RARB: variants seen among roughly 807,000 people sequenced by gnomAD.
RARB encodes HBV-activated protein.
Under a neutral mutation model 51.9 loss-of-function variants are expected in RARB, and 17 were observed. The observed-to-expected ratio is 0.33, with a 90% CI of 0.22 to 0.49. The LOEUF is 0.49. Among genes scored for constraint, RARB ranks in the 20% least tolerant of loss-of-function variants. RARB has a pLI of 0.99. For missense variants in RARB, 369 were observed against 550.8 expected, an observed-to-expected ratio of 0.67 and a Z score of 3.30; for synonymous variants, 215 against 195.4, an observed-to-expected ratio of 1.10 and a Z score of -0.84.
At chr3:25,151,919 T>G (rs1163982101) in intron 4 of RARB, among the ~76,000 whole-genome samples, 2 of 41,852 alleles carry the variant, frequency 4.8e-5, no homozygotes, top group African/African-American at 1.1e-4. Context: ...TTTTATAGAT[T>G]TTTTTTTTTA....
chr3:25,538,851 T>G (rs376046845), intron 3 of RARB, among the ~76,000 whole-genome samples: 24 of 152,238 alleles, frequency 1.6e-4, no homozygotes, highest in African/African-American at 5.5e-4. Flanking sequence ...TTAAGCCTTA[T>G]TTTTCAGGTA....
intron 5 of RARB, among the ~76,000 whole-genome samples, chr3:25,307,055 A>G (rs1355616142): frequency 6.6e-6 from 1 of 152,194 alleles, no homozygotes; most frequent in African/African-American, 2.4e-5. Flanking sequence ...GAAAACACTC[A>G]TGATACCTAT....
chr3:25,488,311 G>A (rs1202141561), intron 2 of RARB, among the ~76,000 whole-genome samples: 1 of 152,228 alleles, frequency 6.6e-6, no homozygotes, highest in East Asian at 1.9e-4. Flanking sequence ...GGCCAGCCAT[G>A]TCCAAGGAAA....
At chr3:24,969,689 A>G (rs971354104) in intron 2 of RARB, among the ~76,000 whole-genome samples, 5 of 152,116 alleles carry the variant, frequency 3.3e-5, no homozygotes, top group Non-Finnish European at 7.4e-5. Flanking sequence ...TTGAATTTCA[A>G]TTACTATTTC....
chr3:25,035,714 C>T (rs1014616873), intron 2 of RARB, among the ~76,000 whole-genome samples: 1 of 152,192 alleles, frequency 6.6e-6, no homozygotes, highest in African/African-American at 2.4e-5. Flanking sequence ...ATCTCTATTG[C>T]AATGACTCAG....
chr3:25,596,285 A>G, intron 7 of RARB, 135 bp from the exon 8 acceptor site: 1 of 660,790 alleles, frequency 1.5e-6, no homozygotes, highest in South Asian at 2.5e-5. Flanking sequence ...AAGCCACCTG[A>G]TATCTACATT....
exon 5 of RARB, chr3:25,174,404 A>G (rs1439555588): frequency 7.4e-7 from 1 of 1,352,030 alleles, no homozygotes; most frequent in South Asian, 1.1e-5. Flanking sequence ...AAACATGACC[A>G]CCAGCGGCCA....
chr3:25,272,913 C>G (rs1385546448), intron 5 of RARB, among the ~76,000 whole-genome samples: 1 of 152,188 alleles, frequency 6.6e-6, no homozygotes, highest in Non-Finnish European at 1.5e-5. Context: ...TTATTACACA[C>G]CTCCAAATTC....
At chr3:24,940,560 C>T (rs943628600) in intron 2 of RARB, among the ~76,000 whole-genome samples, 1 of 152,162 alleles carries the variant, frequency 6.6e-6, no homozygotes, top group African/African-American at 2.4e-5. Context: ...AATTCCTTTC[C>T]TATGTTTTTT....
rs146939283 is a variant in RARB at position 25,035,370 on chromosome 3, G to GCT, written c.-379-24753_-379-24752dup. 8.7e-3 allele frequency among the ~76,000 whole-genome samples: 1,300 copies of GCT among 149,480 alleles called. 21 individuals are homozygous for GCT. Among genetic ancestry groups the GCT allele is most frequent in the African/African-American group, 0.03 (1,221 of 40,384 alleles). ...CTCCGTAGCTCAAGCAATCTGACAT[G>GCT]CTCAGTCTCCCAAAGTGCTGGAATT... On this transcript the variant is annotated intron_variant, in intron 2 of 11. Transcript: ENST00000383772.
At chr3:24,883,118 T>C (rs1575052521) in intron 2 of RARB, among the ~76,000 whole-genome samples, 1 of 152,220 alleles carries the variant, frequency 6.6e-6, no homozygotes, top group East Asian at 1.9e-4. Context: ...GGGACCCAAC[T>C]CCAGACTTGA....
chr3:24,999,958 AT>A (rs1697123901), intron 2 of RARB, among the ~76,000 whole-genome samples: 2 of 150,568 alleles, frequency 1.3e-5, no homozygotes, highest in Admixed American at 6.7e-5. Context: ...ATGCAAAAAA[AT>A]ATTTTGACTT....
At chr3:25,521,670 A>G (rs940961884) in intron 3 of RARB, among the ~76,000 whole-genome samples, 4 of 152,172 alleles carry the variant, frequency 2.6e-5, no homozygotes, top group Non-Finnish European at 4.4e-5. Context: ...TGTGACACCT[A>G]GGGGCCAGCC....
intron 5 of RARB, among the ~76,000 whole-genome samples, chr3:25,336,505 A>C (rs1240129139): frequency 6.6e-6 from 1 of 152,216 alleles, no homozygotes. Flanking sequence ...TCTTGTGGGC[A>C]AAAATCAAAC....
chr3:25,173,568 C>T (rs971651184), intron 4 of RARB, among the ~76,000 whole-genome samples: 1 of 152,100 alleles, frequency 6.6e-6, no homozygotes, highest in African/African-American at 2.4e-5. Flanking sequence ...CAAATAGCCA[C>T]CGTAAAATCC....
chr3:25,107,682 T>G (rs980490757), intron 3 of RARB, among the ~76,000 whole-genome samples: 2 of 152,092 alleles, frequency 1.3e-5, no homozygotes, highest in Non-Finnish European at 2.9e-5. Flanking sequence ...ATAAATGAGG[T>G]GAAGTAAGAG....
At chr3:24,832,110 A>T (rs1201942827) in intron 1 of RARB, among the ~76,000 whole-genome samples, 1 of 152,212 alleles carries the variant, frequency 6.6e-6, no homozygotes, top group East Asian at 1.9e-4. Flanking sequence ...TTCTTTACTC[A>T]TATGATAAAG....
intron 5 of RARB, among the ~76,000 whole-genome samples, chr3:25,207,364 A>G (rs1331040932): frequency 6.6e-6 from 1 of 152,204 alleles, no homozygotes; most frequent in African/African-American, 2.4e-5. Flanking sequence ...GAGAAATTTG[A>G]AAGTGGTCTG....
At chr3:24,896,826 T>C (rs955166208) in intron 2 of RARB, among the ~76,000 whole-genome samples, 1 of 152,000 alleles carries the variant, frequency 6.6e-6, no homozygotes, top group Non-Finnish European at 1.5e-5. Context: ...AATGGAAAAA[T>C]AGATCTCTAT....
Sources: gnomAD v4.1 joint callset for allele counts (sites outside exome capture counted in the v4.1 genomes callset) on GRCh38, gnomAD v4.1.1 for gene constraint, MANE v1.5 for transcripts, NCBI Gene and HGNC (gene_info 2026-07-23, HGNC 2026-07-21) for gene names.